C1orf174: variants seen among roughly 807,000 people sequenced by gnomAD.
C1orf174 encodes the protein chromosome 1 open reading frame 174.
Under a neutral mutation model 18.4 loss-of-function variants are expected in C1orf174, and 13 were observed. The observed-to-expected ratio is 0.71, with a 90% CI of 0.46 to 1.12. The LOEUF (loss-of-function observed/expected upper bound fraction) is 1.12, where lower values mean the gene tolerates loss of function less well. Among genes scored for constraint, C1orf174 ranks in the 50% most tolerant of loss-of-function variants. The pLI is 0.00. For synonymous variants in C1orf174, 100 were observed against 118.3 expected (o/e 0.85, Z 1.01); for missense variants, 309 against 308.0 (o/e 1.00, Z -0.02).
chr1:3,892,672 G>C, intron 2 of C1orf174: 1 of 1,404,674 alleles, frequency 7.1e-7, no homozygotes, highest in Non-Finnish European at 9.3e-7. Context: ...ACGGGTGGGC[G>C]GGTGCTAGGA....
intron 1 of C1orf174, among the ~76,000 whole-genome samples, chr1:3,894,606 CA>C (rs56302416): frequency 4.9e-4 from 55 of 112,304 alleles, no homozygotes; most frequent in Admixed American, 1.1e-3. Flanking sequence ...GACTCCGTCT[CA>C]AAAAAAAAAA....
intron 1 of C1orf174, among the ~76,000 whole-genome samples, chr1:3,897,940 G>A (rs1638636181): frequency 6.6e-6 from 1 of 152,072 alleles, no homozygotes; most frequent in South Asian, 2.1e-4. Context: ...TGGGATTACA[G>A]GCGTGAGCCA....
At chr1:3,899,690 G>A (rs1405854741) in intron 1 of C1orf174, among the ~76,000 whole-genome samples, 2 of 152,324 alleles carry the variant, frequency 1.3e-5, no homozygotes, top group East Asian at 1.9e-4. Context: ...TCTGGAGAGG[G>A]TGCCCCACCT....
At chr1:3,890,511 A>G (rs1290135817) in intron 3 of C1orf174, 58 bp downstream of exon 3, 1 of 1,594,958 alleles carries the variant, frequency 6.3e-7, no homozygotes, top group African/African-American at 1.3e-5. Context: ...GGAGTGTGTG[A>G]CCTGAATGTG....
intron 1 of C1orf174, 62 bp downstream of exon 1, chr1:3,900,110 C>A: frequency 6.5e-7 from 1 of 1,547,980 alleles, no homozygotes; most frequent in Non-Finnish European, 8.6e-7. Context: ...GTTCTCCAGA[C>A]AGCAGGTGAC....
Position 3,890,556 on chromosome 1 carries a change from G to A in C1orf174, c.618+13C>T. On this transcript the variant is annotated intron_variant, in intron 3 of 3. Transcript: ENST00000361605. Reference sequence around the variant, plus strand: ...CCTGAGTACCCACGGGAGGAGGAAGGCGCCGCTCTTACCTGCATGAGCTCA... The same window carrying A: ...CCTGAGTACCCACGGGAGGAGGAAGACGCCGCTCTTACCTGCATGAGCTCA... 6.2e-7 allele frequency: 1 copy of A among 1,612,740 alleles called. No homozygotes were observed. The highest frequency in any genetic ancestry group is 8.5e-7 in the Non-Finnish European group (1 of 1,179,224).
chr1:3,894,974 C>T (rs1346286670), intron 1 of C1orf174, among the ~76,000 whole-genome samples: 1 of 152,228 alleles, frequency 6.6e-6, no homozygotes, highest in East Asian at 1.9e-4. Flanking sequence ...TAAGAGTTGC[C>T]ATAAACATCT....
In C1orf174 at chr1:3,890,949, T is replaced by C. The variant is rs1249416966; in HGVS notation, c.238A>G (p.Ser80Gly). Reference protein sequence around the residue: ...ELQKLVPKNDSASLPKVTPET... With the variant: ...ELQKLVPKNDGASLPKVTPET... ...GGTGTCACTTTTGGCAAAGAAGCGC[T>C]GTCATTCTTAGGGACAAGCTTCTGT... Residue 80 changes from serine to glycine, a missense_variant, in exon 3 of 4, where the codon AGC becomes GGC. Coordinates refer to ENST00000361605, the MANE Select transcript of C1orf174 (RefSeq NM_207356.3). The C allele has an allele frequency of 1.2e-6, 2 of 1,614,184 alleles. No homozygotes were observed.
Position 3,900,201 on chromosome 1 carries a change from CA to C in C1orf174, c.-16del. The C allele has an allele frequency of 1.3e-6, 2 of 1,575,258 alleles. No individual in the cohort carries two copies. The highest frequency in any genetic ancestry group is 1.7e-6 in the Non-Finnish European group (2 of 1,170,380). Reference sequence around the variant, plus strand: ...CGGCTCCTCATGAGTGTGAGCACCGCAGCCAAGCACCGCGCGCCCCGGCCAA... The same window carrying C: ...CGGCTCCTCATGAGTGTGAGCACCGCGCCAAGCACCGCGCGCCCCGGCCAA... On this transcript the variant is annotated 5_prime_UTR_variant, in exon 1 of 4. Coordinates refer to ENST00000361605, the MANE Select transcript of C1orf174 (RefSeq NM_207356.3).
intron 1 of C1orf174, among the ~76,000 whole-genome samples, chr1:3,896,356 C>T (rs75585322): frequency 0.012 from 1,900 of 152,346 alleles, 41 homozygotes; most frequent in African/African-American, 0.043. Flanking sequence ...CAACCCCGTC[C>T]TAGATATGAG....
Position 3,900,118 on chromosome 1 carries a change from G to A in C1orf174, c.15+54C>T, listed in dbSNP as rs1463094083. 5.8e-6 allele frequency: 9 copies of A among 1,558,668 alleles called. No individual in the cohort carries two copies. The Admixed American group carries it at 1.3e-4, about 22-fold the overall frequency. Reference sequence around the variant, plus strand: ...CGCCCCGGTTCTCCAGACAGCAGGTGACCCAGAGTCCCCGCCCTGCCCGGC... The same window carrying A: ...CGCCCCGGTTCTCCAGACAGCAGGTAACCCAGAGTCCCCGCCCTGCCCGGC... On this transcript the variant is annotated intron_variant, in intron 1 of 3. Coordinates refer to ENST00000361605, the MANE Select transcript of C1orf174 (RefSeq NM_207356.3).
chr1:3,899,689 G>C (rs1638671704), intron 1 of C1orf174, among the ~76,000 whole-genome samples: 2 of 152,208 alleles, frequency 1.3e-5, no homozygotes, highest in South Asian at 4.1e-4. Flanking sequence ...TTCTGGAGAG[G>C]GTGCCCCACC....
intron 1 of C1orf174, chr1:3,895,246 T>C (rs12082157): frequency 0.22 from 33,015 of 152,230 alleles, 4,034 homozygotes; most frequent in African/African-American, 0.33. Flanking sequence ...TATGAGGTTA[T>C]ACGAGTGATG....
chr1:3,898,577 A>G (rs767688523), intron 1 of C1orf174, among the ~76,000 whole-genome samples: 53 of 152,322 alleles, frequency 3.5e-4, no homozygotes, highest in Admixed American at 3.0e-3. Context: ...AAGAAACACT[A>G]AAAGAAGTTC....
chr1:3,899,609 T>C (rs1021689076), intron 1 of C1orf174, among the ~76,000 whole-genome samples: 11 of 152,192 alleles, frequency 7.2e-5, no homozygotes, highest in African/African-American at 2.2e-4. Context: ...TGACGTCCAT[T>C]GGAGTGGCAG....
At position 3,889,926 on chromosome 1, in the gene C1orf174, A is replaced by G; in HGVS notation, c.*34T>C. ...GCTAAATTGTCAAATTGTTAATGGT[A>G]CTAAATACTCAAGGACATTATTTTG... On this transcript the variant is annotated 3_prime_UTR_variant, in exon 4 of 4. Transcript: ENST00000361605. 1 of 1,510,114 alleles carries G rather than the reference A, an allele frequency of 6.6e-7. No individual in the cohort carries two copies. Among genetic ancestry groups the G allele is most frequent in the Non-Finnish European group, 9.2e-7 (1 of 1,085,370 alleles). 93.5% of individuals were successfully genotyped at this position (1,510,114 alleles called of 1,614,324 possible).
chr1:3,899,896 C>T (rs1254594091), intron 1 of C1orf174, among the ~76,000 whole-genome samples: 1 of 151,696 alleles, frequency 6.6e-6, no homozygotes, highest in Non-Finnish European at 1.5e-5. Context: ...GGGTGGGTAA[C>T]CTGGGAGCCC....
rs1638468081 is a variant in C1orf174 at position 3,889,784 on chromosome 1, CAT to C, written c.*174_*175del. On this transcript the variant is annotated 3_prime_UTR_variant, in exon 4 of 4. Transcript: ENST00000361605. ...CAAAGATGGTTTGAGTTTTAGTTCC[CAT>C]GAGTACATCCTCCACAGGTATTGGG... is the stretch of plus-strand genomic sequence containing the variant. 1.5e-6 allele frequency: 1 copy of C among 653,852 alleles called. No individual in the cohort carries two copies. The highest frequency in any genetic ancestry group is 2.7e-6 in the Non-Finnish European group (1 of 365,420). 40.5% of individuals were successfully genotyped at this position (653,852 alleles called of 1,614,324 possible).
At chr1:3,891,462 A>G (rs1301305443) in intron 2 of C1orf174, 3 of 390,516 alleles carry the variant, frequency 7.7e-6, no homozygotes, top group Non-Finnish European at 1.1e-5. Context: ...TTATTCACCA[A>G]TTAGTGCCTG....
Sources: gnomAD v4.1 joint callset for allele counts (sites outside exome capture counted in the v4.1 genomes callset) on GRCh38, gnomAD v4.1.1 for gene constraint, MANE v1.5 for transcripts, NCBI Gene and HGNC (gene_info 2026-07-23, HGNC 2026-07-21) for gene names.